SP2: variants seen among roughly 807,000 people sequenced by gnomAD.
SP2 encodes the protein transcription factor Sp2.
In SP2, 9 loss-of-function variants were observed where a neutral mutation model predicts 50.1. The observed-to-expected ratio is 0.18, with a 90% CI of 0.11 to 0.31. The LOEUF is 0.31. Among genes scored for constraint, SP2 ranks in the 10% least tolerant of loss-of-function variants. SP2 has a pLI of 1.00. For synonymous variants in SP2, 313 were observed against 326.6 expected, an observed-to-expected ratio of 0.96 and a Z score of 0.45; for missense variants, 581 against 806.5, an observed-to-expected ratio of 0.72 and a Z score of 3.39.
At chr17:47,898,437 G>A (rs2034421334) in intron 1 of SP2, 1 of 152,206 alleles carries the variant, frequency 6.6e-6, no homozygotes, top group South Asian at 2.1e-4. Flanking sequence ...AGTACTGTCA[G>A]CAAGTATAGT....
chr17:47,925,522 G>A lies in SP2; in HGVS notation c.1722G>A (p.Arg574=). The A allele has an allele frequency of 6.2e-7, 1 of 1,613,926 alleles. No individual in the cohort carries two copies. Among genetic ancestry groups the A allele is most frequent in the Non-Finnish European group, 8.5e-7 (1 of 1,179,944 alleles). ...KRFTRSDELQ[R]HARTHTGDKR... is the part of the protein sequence containing the mutation. The stretch of plus-strand genomic sequence containing the variant: ...TCACACGGAGTGACGAGCTCCAACG[G>A]CATGCTCGCACCCACACAGGTCAGC... The change falls in exon 6 of 7, where the codon CGG becomes CGA. Residue 574 remains arginine (R), a synonymous_variant. Transcript: ENST00000376741.
intron 6 of SP2, among the ~76,000 whole-genome samples, chr17:47,927,447 T>A (rs890192147): frequency 4.7e-5 from 7 of 149,124 alleles, no homozygotes; most frequent in East Asian, 4.0e-4. Context: ...GCAGGAGAAT[T>A]GCTTGACCTG....
At chr17:47,902,047 G>T (rs898221730) in intron 1 of SP2, among the ~76,000 whole-genome samples, 2 of 152,146 alleles carry the variant, frequency 1.3e-5, no homozygotes, top group Admixed American at 6.5e-5. Context: ...AAAAAGGGGG[G>T]TGGCAATTTA....
intron 1 of SP2, among the ~76,000 whole-genome samples, chr17:47,902,494 G>T (rs1325889494): frequency 6.6e-6 from 1 of 152,178 alleles, no homozygotes; most frequent in East Asian, 1.9e-4. Flanking sequence ...TTAATCCGTG[G>T]GAGACATGAT....
chr17:47,919,002 T>C (rs201564836), intron 3 of SP2, among the ~76,000 whole-genome samples: 1 of 151,378 alleles, frequency 6.6e-6, no homozygotes, highest in South Asian at 2.1e-4. Flanking sequence ...CAGATGCAAA[T>C]ACACACACAC....
chr17:47,918,190 C>T (rs571868952), intron 3 of SP2, among the ~76,000 whole-genome samples: 6 of 151,986 alleles, frequency 3.9e-5, no homozygotes, highest in African/African-American at 7.2e-5. Context: ...GAGGAAGAAC[C>T]GAATGACTGA....
chr17:47,911,948 G>A (rs1441448677), intron 1 of SP2, among the ~76,000 whole-genome samples: 1 of 152,224 alleles, frequency 6.6e-6, no homozygotes, highest in Non-Finnish European at 1.5e-5. Flanking sequence ...TTAGGTGGAG[G>A]CATGCTCAGC....
Position 47,917,082 on chromosome 17 carries a change from G to A in SP2, c.1011G>A (p.Lys337=), listed in dbSNP as rs1452046773. The A allele has an allele frequency of 4.3e-6, 7 of 1,613,372 alleles. No individual in the cohort carries two copies. Among genetic ancestry groups the A allele is most frequent in the Non-Finnish European group, 5.1e-6 (6 of 1,179,830 alleles). Reference sequence around the variant, plus strand: ...CCACCCTCCCCACTGTACCCCAGAAGCCCTCCCAGAACTTTCAGATCCAGG... The same window carrying A: ...CCACCCTCCCCACTGTACCCCAGAAACCCTCCCAGAACTTTCAGATCCAGG... The part of the protein sequence containing the change: ...ASATLPTVPQ[K]PSQNFQIQAA... The change falls in exon 3 of 7, where the codon AAG becomes AAA. Residue 337 remains lysine (K), a synonymous_variant. Transcript: ENST00000376741.
intron 1 of SP2, among the ~76,000 whole-genome samples, chr17:47,901,508 G>C (rs1232169898): frequency 6.6e-6 from 1 of 152,042 alleles, no homozygotes; most frequent in Non-Finnish European, 1.5e-5. Flanking sequence ...CACCAGGCTG[G>C]AGTGCAGTGG....
downstream of SP2, chr17:47,929,718 A>G (rs2035781291): frequency 6.5e-6 from 1 of 152,690 alleles, no homozygotes; most frequent in Admixed American, 6.5e-5. Flanking sequence ...GAGCTAGCTC[A>G]GTACATGTGT....
At position 47,916,536 on chromosome 17, in the gene SP2, G is replaced by A; in HGVS notation, c.465G>A (p.Gln155=). The A allele has an allele frequency of 6.2e-7, 1 of 1,614,048 alleles. No individual in the cohort carries two copies. Residue 155 remains glutamine, a synonymous_variant, in exon 3 of 7, where the codon CAG becomes CAA. Coordinates refer to ENST00000376741, the MANE Select transcript of SP2 (RefSeq NM_003110.6). The surrounding 1 kb of genome is among the most constrained non-coding windows in gnomAD (Gnocchi z 4.7). Reference sequence around the variant, plus strand: ...AAGTACAGCCCAATCTCACCAACCAGATCCAGATCATCCCTGGCACCAACC... The same window carrying A: ...AAGTACAGCCCAATCTCACCAACCAAATCCAGATCATCCCTGGCACCAACC... The part of the protein sequence containing the change: ...TIQVQPNLTN[Q]IQIIPGTNQA...
intron 1 of SP2, among the ~76,000 whole-genome samples, chr17:47,906,355 A>G (rs933380268): frequency 2.6e-5 from 4 of 152,228 alleles, no homozygotes; most frequent in African/African-American, 7.2e-5. Flanking sequence ...CATACAGCCC[A>G]TAGGCACTGA....
In SP2 at chr17:47,923,216, C is replaced by T; in HGVS notation, c.1314C>T (p.Thr438=). The change falls in exon 4 of 7, where the codon ACC becomes ACT. Residue 438 remains threonine, a synonymous_variant. Coordinates refer to ENST00000376741, the MANE Select transcript of SP2 (RefSeq NM_003110.6). ...CGGCAGCTGCCCAGGCAATGCAGAC[C>T]ATCAACATCAATGGTGTCCAGGTCC... ...QLAAAAQAMQ[T]ININGVQVQG... 4 of 1,612,394 alleles carry T rather than the reference C, an allele frequency of 2.5e-6. No homozygotes were observed. Among genetic ancestry groups the T allele is most frequent in the Non-Finnish European group, 3.4e-6 (4 of 1,180,020 alleles).
intron 1 of SP2, chr17:47,897,201 C>T (rs2034374419): frequency 6.6e-6 from 1 of 152,290 alleles, no homozygotes; most frequent in Admixed American, 6.5e-5. Flanking sequence ...AGCCTCTTAT[C>T]CATGCTTCTT....
intron 1 of SP2, among the ~76,000 whole-genome samples, chr17:47,905,964 G>A (rs1762167728): frequency 6.6e-6 from 1 of 152,204 alleles, no homozygotes; most frequent in African/African-American, 2.4e-5. Context: ...GAGTTGGAAG[G>A]GAAAGAGGTC....
At chr17:47,896,888 G>A (rs1367191388) in intron 1 of SP2, among the ~76,000 whole-genome samples, 1 of 152,204 alleles carries the variant, frequency 6.6e-6, no homozygotes, top group Non-Finnish European at 1.5e-5. Context: ...GTCAGGACAC[G>A]AGAGCACTCC....
intron 1 of SP2, chr17:47,899,458 A>G (rs3764394): frequency 0.3 from 45,394 of 152,216 alleles, 7,518 homozygotes; most frequent in East Asian, 0.52. Flanking sequence ...AAGTGCTGGG[A>G]TTACAGGCAT....
chr17:47,905,661 C>T (rs534619826), intron 1 of SP2, among the ~76,000 whole-genome samples: 1 of 152,164 alleles, frequency 6.6e-6, no homozygotes, highest in African/African-American at 2.4e-5. Flanking sequence ...CTGTTACGTG[C>T]TCTCCCCAAG....
chr17:47,915,666 T>C (rs1273872555), intron 2 of SP2, among the ~76,000 whole-genome samples: 4 of 152,142 alleles, frequency 2.6e-5, no homozygotes, highest in Non-Finnish European at 5.9e-5. Flanking sequence ...GTCTCGAAAG[T>C]GTAGCCCTCC....
Sources: gnomAD v4.1 joint callset for allele counts (sites outside exome capture counted in the v4.1 genomes callset) on GRCh38, gnomAD v4.1.1 for gene constraint, Gnocchi (gnomAD v3.1) non-coding constraint, MANE v1.5 for transcripts, NCBI Gene and HGNC (gene_info 2026-07-23, HGNC 2026-07-21) for gene names.